The following PLCB4 variants were observed in gnomAD, a reference collection of about 807,000 sequenced individuals.
PLCB4 encodes the protein phospholipase C beta 4, also known as 1-phosphatidylinositol 4,5-bisphosphate phosphodiesterase beta-4.
A neutral mutation model predicts 178.8 loss-of-function variants in PLCB4; 77 were observed. The observed-to-expected ratio is 0.43, with a 90% CI of 0.36 to 0.52. PLCB4 has a LOEUF of 0.52. Ranked by LOEUF, PLCB4 falls within the 20% of genes least tolerant of loss-of-function variation. PLCB4 has a pLI of 0.00. For synonymous variants in PLCB4, 496 were observed against 490.8 expected (o/e 1.01, Z -0.14); for missense variants, 1,024 against 1,453.4 (o/e 0.70, Z 4.80).
intron 2 of PLCB4, among the ~76,000 whole-genome samples, chr20:9,199,395 T>C (rs1312560986): frequency 6.6e-6 from 1 of 152,190 alleles, no homozygotes; most frequent in African/African-American, 2.4e-5. Flanking sequence ...AGAAACCCCA[T>C]GTTAGATAAC....
intron 3 of PLCB4, among the ~76,000 whole-genome samples, chr20:9,244,383 A>G (rs1320756096): frequency 6.6e-6 from 1 of 152,234 alleles, no homozygotes; most frequent in Non-Finnish European, 1.5e-5. Flanking sequence ...AAGGACAGAG[A>G]TTTAGTCATG....
intron 4 of PLCB4, among the ~76,000 whole-genome samples, chr20:9,310,892 T>A (rs2094825663): frequency 6.6e-6 from 1 of 152,206 alleles, no homozygotes; most frequent in Non-Finnish European, 1.5e-5. Context: ...GCAGCCAGAT[T>A]TTTACAAATG....
chr20:9,338,087 G>T lies in PLCB4; in HGVS notation c.225+20G>T. 6.4e-7 allele frequency: 1 copy of T among 1,557,144 alleles called. No homozygotes were observed. The highest frequency in any genetic ancestry group is 8.9e-7 in the Non-Finnish European group (1 of 1,128,522). The stretch of plus-strand genomic sequence containing the variant: ...CCAAAGGTACCTGTGATTGGTATTT[G>T]CTTTTCTAAACACGGATTTACTTAT... On this transcript the variant is annotated intron_variant, in intron 6 of 39. Transcript: ENST00000378473.
At chr20:9,333,171 AT>A (rs765915981) in intron 4 of PLCB4, among the ~76,000 whole-genome samples, 67 of 152,114 alleles carry the variant, frequency 4.4e-4, no homozygotes, top group Admixed American at 4.3e-3. Flanking sequence ...TTTTTCATTT[AT>A]TTTTAAGTTA....
intron 25 of PLCB4, among the ~76,000 whole-genome samples, chr20:9,416,111 C>T (rs1446768343): frequency 6.6e-6 from 1 of 152,210 alleles, no homozygotes; most frequent in Non-Finnish European, 1.5e-5. Flanking sequence ...TTCACCGGAG[C>T]ATGCCTGCTT....
chr20:9,465,513 A>G (rs969118970), intron 35 of PLCB4, among the ~76,000 whole-genome samples: 3 of 152,194 alleles, frequency 2.0e-5, no homozygotes, highest in Non-Finnish European at 4.4e-5. Flanking sequence ...TGCACATCAC[A>G]TGATAGTATA....
intron 13 of PLCB4, among the ~76,000 whole-genome samples, chr20:9,382,822 G>T (rs2037256757): frequency 6.6e-6 from 1 of 152,158 alleles, no homozygotes; most frequent in South Asian, 2.1e-4. Flanking sequence ...TTTCATGAAG[G>T]CAGGGCTTAC....
chr20:9,284,785 A>G (rs1218525409), intron 3 of PLCB4, among the ~76,000 whole-genome samples: 3 of 152,034 alleles, frequency 2.0e-5, no homozygotes, highest in African/African-American at 7.2e-5. Context: ...CCATTTTACC[A>G]GATATAATCG....
At chr20:9,377,375 G>A (rs1416963350) in intron 12 of PLCB4, among the ~76,000 whole-genome samples, 1 of 152,160 alleles carries the variant, frequency 6.6e-6, no homozygotes, top group African/African-American at 2.4e-5. Context: ...TTGTGTCTCT[G>A]TGGAACTCTA....
chr20:9,148,170 C>T lies in PLCB4; in HGVS notation c.-79+51828C>T, dbSNP rs919039372. Among the ~76,000 whole-genome samples, 3 of 152,126 alleles carry T rather than the reference C, an allele frequency of 2.0e-5. No individual in the cohort carries two copies. In the East Asian group the frequency reaches 5.8e-4, roughly 29 times the overall value. On this transcript the variant is annotated intron_variant, in intron 2 of 39. Transcript: ENST00000378473. Reference sequence around the variant, plus strand: ...TGTTGGCAGTCGTGAAGGAGACAGTCCCAGAGAGGTTAATTGGGCTCCTTC... The same window carrying T: ...TGTTGGCAGTCGTGAAGGAGACAGTTCCAGAGAGGTTAATTGGGCTCCTTC...
intron 2 of PLCB4, among the ~76,000 whole-genome samples, chr20:9,108,899 AAGAG>A (rs34242182): frequency 0.028 from 3,976 of 141,990 alleles, 126 homozygotes; most frequent in African/African-American, 0.085. Context: ...GAGAGAAAAC[AAGAG>A]AGAGAGAGAG....
At chr20:9,403,777 A>C (rs1365150658) in intron 20 of PLCB4, among the ~76,000 whole-genome samples, 1 of 152,244 alleles carries the variant, frequency 6.6e-6, no homozygotes, top group Non-Finnish European at 1.5e-5. Context: ...TCTACAGTTT[A>C]CTATGTGAAA....
At chr20:9,289,682 T>C (rs777137781) in intron 3 of PLCB4, among the ~76,000 whole-genome samples, 40 of 152,038 alleles carry the variant, frequency 2.6e-4, no homozygotes, top group Non-Finnish European at 1.6e-4. Context: ...TTTAGAGTGT[T>C]TTTTTACTTG....
chr20:9,292,169 TCAC>T (rs1201193179), intron 3 of PLCB4, among the ~76,000 whole-genome samples: 1 of 152,186 alleles, frequency 6.6e-6, no homozygotes, highest in Admixed American at 6.5e-5. Context: ...TACTCCATAC[TCAC>T]GCCGGAGGCA....
At chr20:9,420,018 A>G in intron 26 of PLCB4, 109 bp downstream of exon 26, 2 of 608,420 alleles carry the variant, frequency 3.3e-6, no homozygotes, top group Non-Finnish European at 5.6e-6. Context: ...GCTGCTCACA[A>G]CTTTGACTTA....
intron 2 of PLCB4, among the ~76,000 whole-genome samples, chr20:9,137,060 C>T (rs988266154): frequency 2.6e-5 from 4 of 152,070 alleles, no homozygotes; most frequent in Admixed American, 2.6e-4. Context: ...CTCCTAGAAG[C>T]CACAGTCGAC....
At chr20:9,245,529 G>T (rs1297867993) in intron 3 of PLCB4, among the ~76,000 whole-genome samples, 1 of 152,126 alleles carries the variant, frequency 6.6e-6, no homozygotes, top group African/African-American at 2.4e-5. Flanking sequence ...GTCTGAGTGA[G>T]ACCCACAAAG....
chr20:9,416,921 G>T (rs1032507282), intron 25 of PLCB4, among the ~76,000 whole-genome samples: 18 of 152,074 alleles, frequency 1.2e-4, no homozygotes, highest in African/African-American at 3.9e-4. Flanking sequence ...AATGAATGGT[G>T]ACTTTTTCAA....
intron 1 of PLCB4, among the ~76,000 whole-genome samples, chr20:9,074,329 A>G (rs2089722802): frequency 6.6e-6 from 1 of 152,166 alleles, no homozygotes; most frequent in Admixed American, 6.6e-5. Flanking sequence ...GGTTTGGGAA[A>G]TTCCACCTGT....
Sources: allele counts gnomAD v4.1 joint callset (sites outside exome capture counted in the v4.1 genomes callset), GRCh38; gene constraint gnomAD v4.1.1; transcripts MANE v1.5; gene names NCBI Gene and HGNC (gene_info 2026-07-23, HGNC 2026-07-21).